Variants in DOP1A observed in about 807,000 individuals in gnomAD.
The protein encoded by DOP1A is DOP1 leucine zipper like protein A, also known as protein DOP1A.
In DOP1A, 90 loss-of-function variants were observed where a neutral mutation model predicts 267.6. The observed-to-expected ratio is 0.34, with a 90% CI of 0.28 to 0.40. The LOEUF is 0.40. Ranked by LOEUF, DOP1A falls within the 10% of genes least tolerant of loss-of-function variation. The probability of loss-of-function intolerance (pLI) is 1.00; values close to 1 mark genes in which losing one functional copy is unlikely to be tolerated. For synonymous variants in DOP1A, 932 were observed against 999.1 expected, an observed-to-expected ratio of 0.93 and a Z score of 1.27; for missense variants, 2,437 against 2,900.4, an observed-to-expected ratio of 0.84 and a Z score of 3.67.
intron 34 of DOP1A, 72 bp downstream of exon 34, chr6:83,156,175 A>G (rs1782741414): frequency 1.6e-6 from 2 of 1,272,300 alleles, no homozygotes; most frequent in Non-Finnish European, 2.2e-6. Context: ...ACTTCTCTAA[A>G]TACTAAGTTG....
intron 15 of DOP1A, among the ~76,000 whole-genome samples, chr6:83,127,418 T>C (rs943755469): frequency 6.6e-6 from 1 of 152,162 alleles, no homozygotes; most frequent in African/African-American, 2.4e-5. Flanking sequence ...CAAAGGCTCT[T>C]AGGCAGAGAC....
At chr6:83,121,571 A>G (rs1174842881) in intron 10 of DOP1A, among the ~76,000 whole-genome samples, 5 of 151,724 alleles carry the variant, frequency 3.3e-5, no homozygotes, top group African/African-American at 1.2e-4. Flanking sequence ...CATCTTACAA[A>G]TATTTTTTCT....
intron 1 of DOP1A, among the ~76,000 whole-genome samples, chr6:83,085,336 T>C (rs1006273259): frequency 1.3e-5 from 2 of 152,170 alleles, no homozygotes; most frequent in Admixed American, 1.3e-4. Flanking sequence ...TTGCATCCCA[T>C]TGAGAGATGA....
At chr6:83,118,144 C>A (rs912974186) in intron 7 of DOP1A, among the ~76,000 whole-genome samples, 1 of 152,128 alleles carries the variant, frequency 6.6e-6, no homozygotes, top group Non-Finnish European at 1.5e-5. Flanking sequence ...TCCACATTAT[C>A]ATCTAATTCT....
intron 9 of DOP1A, 106 bp downstream of exon 9, chr6:83,119,963 G>A (rs1776096596): frequency 1.3e-6 from 1 of 792,874 alleles, no homozygotes; most frequent in African/African-American, 1.8e-5. Flanking sequence ...TGAAGGGGTG[G>A]AGACAAGACT....
chr6:83,122,306 T>C (rs1776495435), intron 11 of DOP1A, among the ~76,000 whole-genome samples: 1 of 151,916 alleles, frequency 6.6e-6, no homozygotes. Context: ...GGGTTGCCAC[T>C]TGAAATAACA....
intron 1 of DOP1A, among the ~76,000 whole-genome samples, chr6:83,089,007 C>T (rs1170744284): frequency 6.6e-6 from 1 of 151,996 alleles, no homozygotes; most frequent in East Asian, 1.9e-4. Flanking sequence ...GTTTTTTGCC[C>T]CATTGCATGG....
chr6:83,145,409 C>T lies in DOP1A; in HGVS notation c.5542-115C>T, dbSNP rs1342901424. 10 of 950,794 alleles carry T rather than the reference C, an allele frequency of 1.1e-5. No homozygotes were observed. The East Asian group carries it at 2.3e-4, about 22-fold the overall frequency. 58.9% of individuals were successfully genotyped at this position (950,794 alleles called of 1,614,324 possible). On this transcript the variant is annotated intron_variant, in intron 24 of 38. Coordinates refer to ENST00000349129, the MANE Select transcript of DOP1A (RefSeq NM_015018.4). ...ACCAGGCTGGGCAAAATAGCAAGAC[C>T]TCATCTCCATTTAAAAAATATAAAA...
intron 17 of DOP1A, 24 bp from the exon 18 acceptor site, chr6:83,132,152 G>A (rs751017476): frequency 1.9e-6 from 3 of 1,594,648 alleles, no homozygotes; most frequent in East Asian, 2.2e-5. Context: ...TATTGTGACT[G>A]TCACTTTTAC....
chr6:83,145,652 G>A lies in DOP1A; in HGVS notation c.5670G>A (p.Lys1890=), dbSNP rs554673911. 9.3e-6 allele frequency: 15 copies of A among 1,610,286 alleles called. No homozygotes were observed. The East Asian group carries it at 3.4e-4, about 36-fold the overall frequency. Residue 1890 remains lysine, a synonymous_variant, in exon 25 of 39, where the codon AAG becomes AAA. Coordinates refer to ENST00000349129, the MANE Select transcript of DOP1A (RefSeq NM_015018.4). ...TAAAGCAGCCACCAGCCATAGCCAA[G>A]GACAAGGTAAGAAAAAACTCTTCTT... The part of the protein sequence containing the change: ...EVLKQPPAIA[K]DKKHLSLEVC...
rs757265341 is a variant in DOP1A at position 83,167,851 on chromosome 6, G to C, written c.7093-11G>C. 6.3e-7 allele frequency: 1 copy of C among 1,589,114 alleles called. No individual in the cohort carries two copies. Among genetic ancestry groups the C allele is most frequent in the Non-Finnish European group, 8.6e-7 (1 of 1,168,290 alleles). ...TTGTATTAATACCAGTTCACTTTTT[G>C]TTTTCTGCAGAAAAATCCAGAGGAA... On this transcript the variant is annotated splice_polypyrimidine_tract_variant and intron_variant, in intron 38 of 38. Transcript: ENST00000349129.
At chr6:83,153,484 T>A in intron 30 of DOP1A, 27 bp from the exon 31 acceptor site, 2 of 1,491,250 alleles carry the variant, frequency 1.3e-6, no homozygotes, top group Non-Finnish European at 1.8e-6. Flanking sequence ...CCTCATATGT[T>A]ACTCTTCATT....
chr6:83,127,544 G>A (rs940219145), intron 15 of DOP1A, among the ~76,000 whole-genome samples: 3 of 152,192 alleles, frequency 2.0e-5, no homozygotes, highest in South Asian at 2.1e-4. Context: ...CCCTGAAGGG[G>A]AAAAGGCAAA....
intron 1 of DOP1A, among the ~76,000 whole-genome samples, chr6:83,068,799 G>A (rs1785130840): frequency 6.6e-6 from 1 of 152,246 alleles, no homozygotes; most frequent in South Asian, 2.1e-4. Context: ...TAGGTGGGCC[G>A]ACTGAAGTTA....
chr6:83,099,630 T>A (rs1254884869), intron 3 of DOP1A, among the ~76,000 whole-genome samples: 1 of 151,980 alleles, frequency 6.6e-6, no homozygotes, highest in East Asian at 1.9e-4. Flanking sequence ...ATACCCAAGT[T>A]GTTTATGAAG....
At chr6:83,080,451 C>G (rs1767890342) in intron 1 of DOP1A, among the ~76,000 whole-genome samples, 1 of 152,070 alleles carries the variant, frequency 6.6e-6, no homozygotes, top group African/African-American at 2.4e-5. Flanking sequence ...AACTAATAAC[C>G]CTCAGGAATT....
rs1415685925 is a variant in DOP1A, at chr6:83,125,376, TA to T, written c.1486-122del. The stretch of plus-strand genomic sequence containing the variant: ...CAGTAATAAAATATACAGTGTTAAT[TA>T]AGAGCATGATGCATATAAAACATTA... On this transcript the variant is annotated intron_variant, in intron 14 of 38. Transcript: ENST00000349129. 3.9e-6 allele frequency: 4 copies of T among 1,029,120 alleles called. No homozygotes were observed. The African/African-American group carries it at 6.5e-5, about 17-fold the overall frequency. 63.7% of individuals were successfully genotyped at this position (1,029,120 alleles called of 1,614,324 possible).
intron 36 of DOP1A, 48 bp downstream of exon 36, chr6:83,158,670 AATT>A (rs1395455370): frequency 1.6e-6 from 2 of 1,240,708 alleles, no homozygotes; most frequent in African/African-American, 3.0e-5. Context: ...AATACCCTGA[AATT>A]ATTCAGAATA....
At chr6:83,073,730 T>C (rs1785997822) in intron 1 of DOP1A, among the ~76,000 whole-genome samples, 1 of 152,224 alleles carries the variant, frequency 6.6e-6, no homozygotes, top group Admixed American at 6.5e-5. Flanking sequence ...GGTTGCAGTC[T>C]GATTGCAGTT....
Sources: allele counts gnomAD v4.1 joint callset (sites outside exome capture counted in the v4.1 genomes callset), GRCh38; gene constraint gnomAD v4.1.1; transcripts MANE v1.5; gene names NCBI Gene and HGNC (gene_info 2026-07-23, HGNC 2026-07-21).